THSD7B: variants seen among roughly 807,000 people sequenced by gnomAD.
The protein encoded by THSD7B is thrombospondin type 1 domain containing 7B.
Under a neutral mutation model 213.6 loss-of-function variants are expected in THSD7B, and 138 were observed. The observed-to-expected ratio is 0.65, with a 90% CI of 0.56 to 0.74. The LOEUF is 0.74. Among genes scored for constraint, THSD7B ranks in the 30% least tolerant of loss-of-function variants. The pLI is 0.00. For missense variants in THSD7B, 1,931 were observed against 1,991.5 expected, an observed-to-expected ratio of 0.97 and a Z score of 0.58; for synonymous variants, 742 against 687.0, an observed-to-expected ratio of 1.08 and a Z score of -1.25.
At chr2:137,223,205 G>A (rs1346988984) in intron 7 of THSD7B, among the ~76,000 whole-genome samples, 1 of 152,128 alleles carries the variant, frequency 6.6e-6, no homozygotes, top group Admixed American at 6.5e-5. Context: ...AGGTGTAGGT[G>A]GCTGTGAAGT....
intron 9 of THSD7B, among the ~76,000 whole-genome samples, chr2:137,240,502 T>A (rs927915590): frequency 6.6e-6 from 1 of 151,526 alleles, no homozygotes; most frequent in Non-Finnish European, 1.5e-5. Flanking sequence ...TTTCTCTCAC[T>A]CTCTCTCTCT....
At chr2:137,110,756 T>C (rs1039615539) in intron 4 of THSD7B, among the ~76,000 whole-genome samples, 1 of 152,260 alleles carries the variant, frequency 6.6e-6, no homozygotes, top group African/African-American at 2.4e-5. Context: ...ATTACAGCCA[T>C]GCACTCCATA....
At chr2:137,525,399 G>A (rs899682090) in intron 15 of THSD7B, among the ~76,000 whole-genome samples, 1 of 152,144 alleles carries the variant, frequency 6.6e-6, no homozygotes, top group African/African-American at 2.4e-5. Context: ...TTGACAGGCA[G>A]TTTATGAGCA....
chr2:137,073,763 C>A (rs1687553645), intron 3 of THSD7B, among the ~76,000 whole-genome samples: 1 of 152,036 alleles, frequency 6.6e-6, no homozygotes, highest in African/African-American at 2.4e-5. Context: ...TGAATGTGTC[C>A]CAGAGATTCT....
intron 15 of THSD7B, among the ~76,000 whole-genome samples, chr2:137,511,486 G>A (rs978447745): frequency 3.3e-5 from 5 of 152,152 alleles, no homozygotes; most frequent in Non-Finnish European, 7.3e-5. Flanking sequence ...TGTTTTAATA[G>A]GCAGTTAAGT....
intron 25 of THSD7B, among the ~76,000 whole-genome samples, chr2:137,662,899 A>C (rs1261551388): frequency 6.6e-6 from 1 of 152,050 alleles, no homozygotes; most frequent in African/African-American, 2.4e-5. Flanking sequence ...TATTAAAAGA[A>C]CAAAAAAAAG....
At chr2:136,781,268 T>TA in intron 1 of THSD7B, among the ~76,000 whole-genome samples, 1 of 55,196 alleles carries the variant, frequency 1.8e-5, no homozygotes, top group East Asian at 7.8e-4. Flanking sequence ...ACCAGTTCTA[T>TA]TTTTTTTTTT....
intron 5 of THSD7B, among the ~76,000 whole-genome samples, chr2:137,151,779 C>T (rs796509860): frequency 2.4e-4 from 37 of 152,234 alleles, no homozygotes; most frequent in Middle Eastern, 3.4e-3. Flanking sequence ...ATACCAGCAT[C>T]GCCACAAATG....
intron 2 of THSD7B, among the ~76,000 whole-genome samples, chr2:137,053,757 T>C (rs1468337016): frequency 6.6e-6 from 1 of 152,172 alleles, no homozygotes; most frequent in Admixed American, 6.5e-5. Flanking sequence ...TGGAAAATTG[T>C]GTATGCTTAA....
chr2:137,613,158 G>C (rs1276337942), intron 17 of THSD7B, among the ~76,000 whole-genome samples: 1 of 152,024 alleles, frequency 6.6e-6, no homozygotes, highest in Non-Finnish European at 1.5e-5. Flanking sequence ...TCCTCCCCTT[G>C]CTTGTTTTCC....
chr2:136,914,814 C>T (rs1684325110), intron 2 of THSD7B, among the ~76,000 whole-genome samples: 3 of 152,054 alleles, frequency 2.0e-5, no homozygotes, highest in Admixed American at 1.3e-4. Context: ...TGAAAACGGA[C>T]TAATACACTG....
At chr2:136,842,722 G>A (rs1682938328) in intron 1 of THSD7B, among the ~76,000 whole-genome samples, 1 of 152,200 alleles carries the variant, frequency 6.6e-6, no homozygotes, top group South Asian at 2.1e-4. Context: ...CAGTTGGGGT[G>A]AAGAATTATG....
At chr2:137,663,063 TAA>T (rs60772441) in intron 25 of THSD7B, among the ~76,000 whole-genome samples, 31 of 122,500 alleles carry the variant, frequency 2.5e-4, no homozygotes, top group East Asian at 2.3e-4. Context: ...AAACTCCATC[TAA>T]AAAAAAAAAA....
intron 15 of THSD7B, among the ~76,000 whole-genome samples, chr2:137,472,833 T>C (rs1302408018): frequency 6.6e-6 from 1 of 152,206 alleles, no homozygotes; most frequent in Non-Finnish European, 1.5e-5. Flanking sequence ...ATCTTAGGCA[T>C]TTTGAATTAA....
intron 1 of THSD7B, among the ~76,000 whole-genome samples, chr2:136,813,769 G>T (rs1287869053): frequency 6.6e-6 from 1 of 152,088 alleles, no homozygotes; most frequent in Non-Finnish European, 1.5e-5. Flanking sequence ...TTACTTAATG[G>T]AGATGATCAA....
At position 137,450,877 on chromosome 2, in the gene THSD7B, C is replaced by T. The variant is rs747593769; in HGVS notation, c.2992C>T (p.Pro998Ser). Residue 998 changes from proline to serine, a missense_variant, in exon 15 of 28, where the codon CCA becomes TCA. Transcript: ENST00000409968. ...YIQEKCVIPC[P>S]FDCKLSDWSS... is the part of the protein sequence containing the mutation. ...TCAAGAAAAATGTGTCATTCCCTGCCCATTTGATTGCAAGTTAAGCGATTG... is the reference window on the plus strand; with the variant it reads ...TCAAGAAAAATGTGTCATTCCCTGCTCATTTGATTGCAAGTTAAGCGATTG... The T allele has an allele frequency of 6.2e-7, 1 of 1,609,326 alleles. No homozygotes were observed. Among genetic ancestry groups the T allele is most frequent in the Non-Finnish European group, 8.5e-7 (1 of 1,177,984 alleles).
At chr2:136,966,539 TTTTTTA>T (rs763125783) in intron 2 of THSD7B, among the ~76,000 whole-genome samples, 8 of 152,306 alleles carry the variant, frequency 5.3e-5, no homozygotes, top group Non-Finnish European at 1.2e-4. Context: ...TGAATCAGTC[TTTTTTA>T]TTTTTATTTG....
chr2:137,300,177 C>T (rs142291269), intron 12 of THSD7B, among the ~76,000 whole-genome samples: 96 of 152,218 alleles, frequency 6.3e-4, no homozygotes, highest in African/African-American at 2.3e-3. Flanking sequence ...AAACTTAATG[C>T]TATTTTAATT....
intron 2 of THSD7B, among the ~76,000 whole-genome samples, chr2:136,905,978 G>A (rs1317850913): frequency 6.6e-6 from 1 of 152,178 alleles, no homozygotes; most frequent in Non-Finnish European, 1.5e-5. Flanking sequence ...GTTTGCCTAG[G>A]CAGCTCTATG....
Sources: gnomAD v4.1 joint callset for allele counts (sites outside exome capture counted in the v4.1 genomes callset) on GRCh38, gnomAD v4.1.1 for gene constraint, MANE v1.5 for transcripts, NCBI Gene and HGNC (gene_info 2026-07-23, HGNC 2026-07-21) for gene names.